The following KICS2 variants were observed in gnomAD, a reference collection of about 807,000 sequenced individuals.
KICS2 encodes the protein KICSTOR subunit 2.
Under a neutral mutation model 31.4 loss-of-function variants are expected in KICS2, and 13 were observed. The ratio of observed to expected loss-of-function variants is 0.41; its 90% CI spans 0.27 to 0.66. The LOEUF (loss-of-function observed/expected upper bound fraction) is 0.66. Ranked by LOEUF, KICS2 falls within the 30% of genes least tolerant of loss-of-function variation. The pLI, the probability that KICS2 is intolerant of heterozygous loss-of-function variation, is 0.28. For missense variants in KICS2, 455 were observed against 545.4 expected, an observed-to-expected ratio of 0.83 and a Z score of 1.65; for synonymous variants, 209 against 214.8, an observed-to-expected ratio of 0.97 and a Z score of 0.24.
chr12:64,202,751 G>C (rs1369230639), intron 2 of KICS2, among the ~76,000 whole-genome samples: 4 of 151,236 alleles, frequency 2.6e-5, no homozygotes, highest in African/African-American at 9.7e-5. Flanking sequence ...ATATCCCATA[G>C]ATTAGTACCT....
At position 64,193,559 on chromosome 12, in the gene KICS2, T is replaced by G. The variant is rs1414003883; in HGVS notation, c.*283A>C. 1 of 1,150,974 alleles carries G rather than the reference T, an allele frequency of 8.7e-7. No homozygotes were observed. The highest frequency in any genetic ancestry group is 1.1e-6 in the Non-Finnish European group (1 of 936,522). The allele number at this position is 1,150,974 out of a possible 1,614,324, so 71.3% of individuals were successfully genotyped here. ...GGAAAAAAAAAAGCCCAATAAATAT[T>G]CAATCTACAAGAAATATAGCAAAAT... On this transcript the variant is annotated 3_prime_UTR_variant, in exon 3 of 3. Coordinates refer to ENST00000398055, the MANE Select transcript of KICS2 (RefSeq NM_152440.5).
rs2037682470 is a variant in KICS2, at chr12:64,221,475, T to C, written c.235+528A>G. On this transcript the variant is annotated intron_variant, in intron 1 of 2. Coordinates refer to ENST00000398055, the MANE Select transcript of KICS2 (RefSeq NM_152440.5). ...ATTTTCCCCTTAAGTCTCTTCTTGC[T>C]AGTGTTAGGCATATTTCTTGCCTTT... 1.9e-5 allele frequency: 3 copies of C among 155,032 alleles called. 1 individual carries two copies. In the South Asian group the frequency reaches 5.9e-4, roughly 31 times the overall value. The allele number at this position is 155,032 out of a possible 1,614,324, so 9.6% of individuals were successfully genotyped here.
intron 2 of KICS2, among the ~76,000 whole-genome samples, chr12:64,206,090 T>G (rs1489637030): frequency 6.6e-6 from 1 of 152,192 alleles, no homozygotes; most frequent in Non-Finnish European, 1.5e-5. Flanking sequence ...AGCTAATTTT[T>G]AAATTTTTTT....
intron 2 of KICS2, 155 bp from the exon 3 acceptor site, chr12:64,194,813 A>T (rs1285832880): frequency 1.5e-6 from 1 of 669,132 alleles, no homozygotes; most frequent in African/African-American, 2.0e-5. Context: ...GATTTATTTT[A>T]AAATTCTGAT....
At chr12:64,214,346 A>C (rs574622689) in intron 2 of KICS2, among the ~76,000 whole-genome samples, 4 of 152,362 alleles carry the variant, frequency 2.6e-5, no homozygotes, top group Admixed American at 2.6e-4. Flanking sequence ...GATGGCAATA[A>C]ATCAGGAGAA....
At chr12:64,215,593 T>C (rs2037620148) in intron 2 of KICS2, 85 bp downstream of exon 2, 1 of 1,170,948 alleles carries the variant, frequency 8.5e-7, no homozygotes, top group Admixed American at 2.4e-5. Flanking sequence ...TCACAGATTT[T>C]CATAAGAGTG....
chr12:64,211,057 T>C (rs2037578462), intron 2 of KICS2, among the ~76,000 whole-genome samples: 1 of 152,176 alleles, frequency 6.6e-6, no homozygotes, highest in Admixed American at 6.5e-5. Flanking sequence ...ATGGGTATTT[T>C]TCTTAAGCTT....
rs1313475263 is a variant in KICS2, at chr12:64,215,792, C to T, written c.407G>A (p.Arg136Gln). The T allele has an allele frequency of 1.9e-6, 3 of 1,614,008 alleles. No individual in the cohort carries two copies. Among genetic ancestry groups the T allele is most frequent in the Non-Finnish European group, 8.5e-7 (1 of 1,180,000 alleles). ...SEQLCFFVQA[R>Q]MEIADFYEKM... ...CTCATAGAAGTCTGCTATCTCCATC[C>T]GAGCCTGAACAAAGAAGCAGAGCTG... Residue 136 changes from arginine to glutamine, a missense_variant, in exon 2 of 3, where the codon CGG becomes CAG. Coordinates refer to ENST00000398055, the MANE Select transcript of KICS2 (RefSeq NM_152440.5).
At chr12:64,187,433 T>A (rs1056092927), downstream of KICS2, 1 of 579,360 alleles carries the variant, frequency 1.7e-6, no homozygotes, top group Non-Finnish European at 3.0e-6. Flanking sequence ...CGGTTTTAAA[T>A]TTGAAGTACC....
At chr12:64,221,639 G>A in intron 1 of KICS2, 1 of 326,556 alleles carries the variant, frequency 3.1e-6, no homozygotes, top group Non-Finnish European at 5.8e-6. Flanking sequence ...GAACTAGGTT[G>A]TTTTGCAAAG....
downstream of KICS2, chr12:64,187,535 A>C: frequency 9.1e-7 from 1 of 1,099,432 alleles, no homozygotes; most frequent in Non-Finnish European, 1.3e-6. Flanking sequence ...TATCAAGAGA[A>C]GTCTCCAAAG....
intron 2 of KICS2, among the ~76,000 whole-genome samples, chr12:64,204,535 T>C (rs964856289): frequency 6.6e-6 from 1 of 152,168 alleles, no homozygotes; most frequent in Non-Finnish European, 1.5e-5. Context: ...CCTGTAATCT[T>C]AGCACTTTGG....
intron 1 of KICS2, among the ~76,000 whole-genome samples, chr12:64,220,764 G>A (rs2037673860): frequency 6.6e-6 from 1 of 152,054 alleles, no homozygotes; most frequent in South Asian, 2.1e-4. Context: ...AACTCAATCT[G>A]AGAGTACAAG....
intron 2 of KICS2, among the ~76,000 whole-genome samples, chr12:64,211,017 C>T (rs191912820): frequency 1.3e-3 from 203 of 152,218 alleles, no homozygotes; most frequent in African/African-American, 4.5e-3. Flanking sequence ...AAATTTTACC[C>T]TCTTAGGGAA....
At chr12:64,213,900 C>G (rs2136704603) in intron 2 of KICS2, among the ~76,000 whole-genome samples, 1 of 152,292 alleles carries the variant, frequency 6.6e-6, no homozygotes, top group Non-Finnish European at 1.5e-5. Flanking sequence ...AGCAACCTCT[C>G]ATTATTCCTG....
intron 2 of KICS2, among the ~76,000 whole-genome samples, chr12:64,194,950 A>T (rs79532552): frequency 0.019 from 1,619 of 83,996 alleles, 28 homozygotes; most frequent in East Asian, 0.12. Flanking sequence ...TTTTTTTTTT[A>T]TTTATTTATT....
chr12:64,215,434 A>C (rs918306826), intron 2 of KICS2, among the ~76,000 whole-genome samples: 1 of 152,190 alleles, frequency 6.6e-6, no homozygotes, highest in African/African-American at 2.4e-5. Flanking sequence ...GTTATAATAC[A>C]AGTTTTACGA....
intron 2 of KICS2, among the ~76,000 whole-genome samples, chr12:64,215,044 G>A (rs2037615141): frequency 6.6e-6 from 1 of 150,896 alleles, no homozygotes; most frequent in Admixed American, 6.6e-5. Context: ...ATTGGCTCAG[G>A]CCTGTAATCC....
In KICS2 at chr12:64,193,961, T is replaced by C; in HGVS notation, c.1219A>G (p.Ile407Val). 1 of 1,614,188 alleles carries C rather than the reference T, an allele frequency of 6.2e-7. No homozygotes were observed. Among genetic ancestry groups the C allele is most frequent in the East Asian group, 2.2e-5 (1 of 44,888 alleles). The part of the protein sequence containing the change: ...RPEPHFTIVI[I>V]FESKKSERDS... Reference sequence around the variant, plus strand: ...CTCTCAGATTTCTTTGACTCAAAAATGATGACAATGGTAAAGTGAGGTTCC... The same window carrying C: ...CTCTCAGATTTCTTTGACTCAAAAACGATGACAATGGTAAAGTGAGGTTCC... Residue 407 changes from isoleucine to valine, a missense_variant, in exon 3 of 3, where the codon ATT becomes GTT. Ile to Val is a conservative substitution (Grantham distance 29). Transcript: ENST00000398055.
Sources: gnomAD v4.1 joint callset for allele counts (sites outside exome capture counted in the v4.1 genomes callset) on GRCh38, gnomAD v4.1.1 for gene constraint, MANE v1.5 for transcripts, NCBI Gene and HGNC (gene_info 2026-07-23, HGNC 2026-07-21) for gene names.